JAM3: variants seen among roughly 807,000 people sequenced by gnomAD.
The protein encoded by JAM3 is junctional adhesion molecule 3, also known as junctional adhesion molecule C.
Under a neutral mutation model 39.4 loss-of-function variants are expected in JAM3, and 31 were observed. The observed-to-expected ratio is 0.79, with a 90% CI of 0.59 to 1.06. JAM3 has a LOEUF of 1.06. Among genes scored for constraint, JAM3 ranks in the 50% least tolerant of loss-of-function variants. The probability of loss-of-function intolerance (pLI) is 0.00; values close to 1 mark genes in which losing one functional copy is unlikely to be tolerated. For synonymous variants in JAM3, 182 were observed against 148.7 expected (o/e 1.22, Z -1.63); for missense variants, 455 against 391.4 (o/e 1.16, Z -1.37).
chr11:134,122,090 C>G (rs1400852285), intron 1 of JAM3, among the ~76,000 whole-genome samples: 1 of 152,026 alleles, frequency 6.6e-6, no homozygotes, highest in African/African-American at 2.4e-5. Context: ...GTTTTGTTTT[C>G]TGGGATGGGA....
At chr11:134,083,294 C>T (rs1002402351) in intron 1 of JAM3, among the ~76,000 whole-genome samples, 1 of 152,000 alleles carries the variant, frequency 6.6e-6, no homozygotes, top group Non-Finnish European at 1.5e-5. Context: ...CGCTCCCTCC[C>T]TTTCCCTATT....
chr11:134,130,532 A>G (rs1385300957), intron 1 of JAM3, among the ~76,000 whole-genome samples: 2 of 152,204 alleles, frequency 1.3e-5, no homozygotes, highest in African/African-American at 4.8e-5. Context: ...ACCAGCAGAA[A>G]AATTAAAAAA....
At position 134,142,278 on chromosome 11, in the gene JAM3, C is replaced by T. The variant is rs189462846; in HGVS notation, c.256+1508C>T. Among the ~76,000 whole-genome samples the T allele has an allele frequency of 2.6e-5, 4 of 152,292 alleles. No individual in the cohort carries two copies. In the East Asian group the frequency reaches 7.7e-4, roughly 29 times the overall value. On this transcript the variant is annotated intron_variant, in intron 3 of 8. Coordinates refer to ENST00000299106, the MANE Select transcript of JAM3 (RefSeq NM_032801.5). ...TGCAGCTGTACTTGGCCTCTTTCCT[C>T]GCCTCAGTGCAGGGCTGCACCAGAG...
chr11:134,112,072 T>A (rs908251868), intron 1 of JAM3, among the ~76,000 whole-genome samples: 15 of 152,204 alleles, frequency 9.9e-5, no homozygotes, highest in African/African-American at 3.1e-4. Context: ...ATGGCAACAC[T>A]TTTATTACGG....
At chr11:134,132,164 C>CT (rs1258693395) in intron 1 of JAM3, among the ~76,000 whole-genome samples, 1 of 152,162 alleles carries the variant, frequency 6.6e-6, no homozygotes, top group Non-Finnish European at 1.5e-5. Context: ...AAGAGAAATT[C>CT]TTAAAAGCAC....
At chr11:134,135,000 G>C (rs1411952748) in intron 1 of JAM3, among the ~76,000 whole-genome samples, 1 of 151,500 alleles carries the variant, frequency 6.6e-6, no homozygotes, top group South Asian at 2.1e-4. Context: ...AATTTTTTTT[G>C]ATGAAGTCCA....
chr11:134,134,974 T>A (rs1942836944), intron 1 of JAM3, among the ~76,000 whole-genome samples: 1 of 152,176 alleles, frequency 6.6e-6, no homozygotes, highest in Admixed American at 6.5e-5. Flanking sequence ...TTCTTGGTAG[T>A]GTCCTTTGAT....
At chr11:134,088,131 A>G (rs1423593358) in intron 1 of JAM3, among the ~76,000 whole-genome samples, 1 of 152,220 alleles carries the variant, frequency 6.6e-6, no homozygotes, top group African/African-American at 2.4e-5. Context: ...TGCTGGGACC[A>G]GGACTAGAAC....
At chr11:134,139,661 C>T (rs1942938661) in intron 1 of JAM3, 190 bp from the exon 2 acceptor site, 1 of 620,172 alleles carries the variant, frequency 1.6e-6, no homozygotes, top group Admixed American at 2.4e-5. Flanking sequence ...TGGCTCCTTC[C>T]AGTGAAGGTC....
At chr11:134,127,157 T>G (rs11223704) in intron 1 of JAM3, among the ~76,000 whole-genome samples, 1 of 151,998 alleles carries the variant, frequency 6.6e-6, no homozygotes, top group East Asian at 1.9e-4. Flanking sequence ...GTGTTAGACA[T>G]GGAGTTTAAG....
chr11:134,102,641 A>G (rs993718582), intron 1 of JAM3, among the ~76,000 whole-genome samples: 2 of 152,232 alleles, frequency 1.3e-5, no homozygotes, highest in Non-Finnish European at 2.9e-5. Context: ...ATGGCTAACT[A>G]GAGTAACCAG....
chr11:134,091,870 A>T (rs1448638555), intron 1 of JAM3, among the ~76,000 whole-genome samples: 2 of 147,042 alleles, frequency 1.4e-5, no homozygotes, highest in South Asian at 4.3e-4. Flanking sequence ...GTAGGAATTT[A>T]TGGATAGTAT....
In JAM3 at chr11:134,076,151, C is replaced by CT. The variant is rs551303530; in HGVS notation, c.76+7012dup. On this transcript the variant is annotated intron_variant, in intron 1 of 8. Transcript: ENST00000299106. ...TTACTCCTTTTCTTTTCTTTTCTTT[C>CT]TTTTTTTTTTTTTTTTTTTTGAGAT... Among the ~76,000 whole-genome samples, 1,176 of 120,378 alleles carry CT rather than the reference C, an allele frequency of 9.8e-3. 20 individuals carry two copies. The highest frequency in any genetic ancestry group is 0.028 in the Middle Eastern group (6 of 212). The allele number at this position is 120,378 out of a possible 152,430, so 79.0% of individuals were successfully genotyped here. A position where few individuals can be genotyped will look rare whatever the true frequency, so the allele number is the denominator to read the frequency against.
chr11:134,125,670 G>A (rs1056923679), intron 1 of JAM3, among the ~76,000 whole-genome samples: 1 of 152,154 alleles, frequency 6.6e-6, no homozygotes, highest in Non-Finnish European at 1.5e-5. Flanking sequence ...TGTTGAGAAC[G>A]TGCTGTGAGA....
intron 1 of JAM3, among the ~76,000 whole-genome samples, chr11:134,130,523 C>T (rs911192667): frequency 2.0e-5 from 3 of 152,112 alleles, no homozygotes; most frequent in South Asian, 2.1e-4. Context: ...CTCCTGTTCA[C>T]CAGCAGAAAA....
chr11:134,129,797 C>G (rs116489436), intron 1 of JAM3, among the ~76,000 whole-genome samples: 1 of 152,040 alleles, frequency 6.6e-6, no homozygotes, highest in South Asian at 2.1e-4. Flanking sequence ...AGCTCAGGAG[C>G]GCGAGACCAG....
At chr11:134,133,164 CATTT>C (rs1334102041) in intron 1 of JAM3, among the ~76,000 whole-genome samples, 7 of 152,020 alleles carry the variant, frequency 4.6e-5, no homozygotes, top group Non-Finnish European at 8.8e-5. Flanking sequence ...TTGGTGAACT[CATTT>C]ATTTATTCTA....
chr11:134,119,351 A>G (rs1942493552), intron 1 of JAM3, among the ~76,000 whole-genome samples: 1 of 152,224 alleles, frequency 6.6e-6, no homozygotes, highest in Non-Finnish European at 1.5e-5. Flanking sequence ...GTTACATGGT[A>G]CTGCTCTGAC....
At chr11:134,142,081 C>T (rs763980336) in intron 3 of JAM3, among the ~76,000 whole-genome samples, 1 of 152,120 alleles carries the variant, frequency 6.6e-6, no homozygotes, top group Non-Finnish European at 1.5e-5. Context: ...TTTGGCTACT[C>T]AGGCTGACCC....
Sources: gnomAD v4.1 joint callset for allele counts (sites outside exome capture counted in the v4.1 genomes callset) on GRCh38, gnomAD v4.1.1 for gene constraint, MANE v1.5 for transcripts, NCBI Gene and HGNC (gene_info 2026-07-23, HGNC 2026-07-21) for gene names.